The following GRIA1 variants were observed in gnomAD, a reference collection of about 807,000 sequenced individuals.
The protein encoded by GRIA1 is glutamate ionotropic receptor AMPA type subunit 1.
GRIA1 carries 31 observed loss-of-function variants against 99.2 expected under a neutral mutation model. The observed-to-expected ratio is 0.31, with a 90% CI of 0.23 to 0.42. The LOEUF (loss-of-function observed/expected upper bound fraction) is 0.42. Ranked by LOEUF, GRIA1 falls within the 10% of genes least tolerant of loss-of-function variation. The pLI is 1.00. For missense variants in GRIA1, 782 were observed against 1,157.5 expected (o/e 0.68, Z 4.71); for synonymous variants, 438 against 432.4 (o/e 1.01, Z -0.16).
Position 153,812,534 on chromosome 5 carries a change from G to A in GRIA1, c.*1309G>A, listed in dbSNP as rs1388868681. The A allele has an allele frequency of 1.3e-5, 2 of 152,192 alleles. No homozygotes were observed. Among genetic ancestry groups the A allele is most frequent in the Non-Finnish European group, 2.9e-5 (2 of 68,026 alleles). 9.4% of individuals were successfully genotyped at this position (152,192 alleles called of 1,614,324 possible). A position where few individuals can be genotyped will look rare whatever the true frequency, so the allele number is the denominator to read the frequency against. On this transcript the variant is annotated 3_prime_UTR_variant, in exon 16 of 16. Transcript: ENST00000285900. ...AAGGAAATAATTGAAGGAGTATAGG[G>A]AGATGGATTAAGTTGATAATGACAT...
chr5:153,604,093 GAAAC>G (rs1187332036), intron 2 of GRIA1, among the ~76,000 whole-genome samples: 6 of 151,626 alleles, frequency 4.0e-5, no homozygotes, highest in African/African-American at 1.5e-4. Flanking sequence ...AGCAATAACA[GAAAC>G]AAGTTCTAAA....
At chr5:153,565,429 C>G (rs114991629) in intron 2 of GRIA1, among the ~76,000 whole-genome samples, 3,764 of 152,180 alleles carry the variant, frequency 0.025, 96 homozygotes, top group African/African-American at 0.059. Flanking sequence ...GCTGTTTTTT[C>G]TTTTAATGGC....
chr5:153,690,791 T>C (rs1757688871), intron 8 of GRIA1, among the ~76,000 whole-genome samples: 1 of 152,192 alleles, frequency 6.6e-6, no homozygotes, highest in Non-Finnish European at 1.5e-5. Flanking sequence ...CCAAATCCTT[T>C]CTTAGAATGT....
intron 2 of GRIA1, among the ~76,000 whole-genome samples, chr5:153,612,030 A>C (rs1766033640): frequency 6.6e-6 from 1 of 152,208 alleles, no homozygotes; most frequent in African/African-American, 2.4e-5. Flanking sequence ...TCACCTGCAA[A>C]CTAGGGAGAA....
intron 13 of GRIA1, among the ~76,000 whole-genome samples, chr5:153,771,637 C>A (rs1221078910): frequency 6.6e-6 from 1 of 152,126 alleles, no homozygotes; most frequent in East Asian, 1.9e-4. Context: ...CTACTTCCTG[C>A]AATGTAGCAG....
chr5:153,574,954 G>A (rs1045141398), intron 2 of GRIA1, among the ~76,000 whole-genome samples: 2 of 152,116 alleles, frequency 1.3e-5, no homozygotes, highest in Non-Finnish European at 2.9e-5. Context: ...GTGATTAAGA[G>A]GGAGAGACAC....
At position 153,698,988 on chromosome 5, in the gene GRIA1, T is replaced by C; in HGVS notation, c.1367T>C (p.Leu456Pro). Residue 456 changes from leucine (L) to proline (P), a missense_variant, in exon 10 of 16, where the codon CTG (leucine) becomes CCG (proline). Transcript: ENST00000285900. Reference sequence around the variant, plus strand: ...AAGCACGTGGGCTACTCCTACCGTCTGGAGATTGTCAGTGATGGAAAATAC... The same window carrying C: ...AAGCACGTGGGCTACTCCTACCGTCCGGAGATTGTCAGTGATGGAAAATAC... ...IAKHVGYSYR[L>P]EIVSDGKYGA... 2 of 1,613,864 alleles carry C rather than the reference T, an allele frequency of 1.2e-6. No homozygotes were observed. The highest frequency in any genetic ancestry group is 1.7e-6 in the Non-Finnish European group (2 of 1,179,796).
At chr5:153,599,273 A>G (rs757579081) in intron 2 of GRIA1, among the ~76,000 whole-genome samples, 2 of 152,198 alleles carry the variant, frequency 1.3e-5, no homozygotes, top group Non-Finnish European at 2.9e-5. Flanking sequence ...CCTCAACTAG[A>G]TTATTTTGTC....
chr5:153,514,527 C>T (rs1756423099), intron 2 of GRIA1, among the ~76,000 whole-genome samples: 1 of 152,206 alleles, frequency 6.6e-6, no homozygotes, highest in African/African-American at 2.4e-5. Flanking sequence ...TCTCAGCTGT[C>T]TATCCTATTC....
chr5:153,729,909 G>A (rs148600745), intron 11 of GRIA1, among the ~76,000 whole-genome samples: 1 of 152,098 alleles, frequency 6.6e-6, no homozygotes, highest in East Asian at 1.9e-4. Flanking sequence ...GGTGAGTGGT[G>A]GATTCTCAAG....
At chr5:153,643,006 G>A (rs1023776319) in intron 2 of GRIA1, among the ~76,000 whole-genome samples, 1 of 152,096 alleles carries the variant, frequency 6.6e-6, no homozygotes, top group East Asian at 1.9e-4. Flanking sequence ...CACAACTCCT[G>A]CAGAGTAGTG....
intron 2 of GRIA1, among the ~76,000 whole-genome samples, chr5:153,619,989 T>G (rs938525103): frequency 6.6e-6 from 1 of 152,188 alleles, no homozygotes; most frequent in African/African-American, 2.4e-5. Context: ...TTCTTTCCAT[T>G]CCTGACATTC....
intron 2 of GRIA1, among the ~76,000 whole-genome samples, chr5:153,582,616 T>A (rs902603650): frequency 6.6e-6 from 1 of 152,128 alleles, no homozygotes; most frequent in Non-Finnish European, 1.5e-5. Context: ...CCAGAGCATA[T>A]CTTTCTTAAA....
chr5:153,647,016 C>T lies in GRIA1; in HGVS notation c.309C>T (p.Ala103=), dbSNP rs754154639. 6 of 1,613,876 alleles carry T rather than the reference C, an allele frequency of 3.7e-6. No homozygotes were observed. The highest frequency in any genetic ancestry group is 2.2e-5 in the East Asian group (1 of 44,860). Reference sequence around the variant, plus strand: ...ACATGCTGACCTCCTTTTGTGGGGCCCTCCACGTCTGCTTCATTACGCCGA... The same window carrying T: ...ACATGCTGACCTCCTTTTGTGGGGCTCTCCACGTCTGCTTCATTACGCCGA... ...TVNMLTSFCG[A]LHVCFITPSF... The change falls in exon 3 of 16, where the codon GCC becomes GCT. Residue 103 remains alanine, a synonymous_variant. Transcript: ENST00000285900.
At chr5:153,642,546 A>G (rs1046473477) in intron 2 of GRIA1, among the ~76,000 whole-genome samples, 1 of 151,878 alleles carries the variant, frequency 6.6e-6, no homozygotes, top group Non-Finnish European at 1.5e-5. Flanking sequence ...GCGCAACATA[A>G]TGAGATCTCA....
chr5:153,567,164 T>C (rs1302581005), intron 2 of GRIA1, among the ~76,000 whole-genome samples: 4 of 152,242 alleles, frequency 2.6e-5, no homozygotes, highest in African/African-American at 2.4e-5. Flanking sequence ...CTTTCATTCA[T>C]TTATGCCTTG....
intron 2 of GRIA1, among the ~76,000 whole-genome samples, chr5:153,510,787 G>A (rs528862746): frequency 2.8e-4 from 43 of 152,246 alleles, no homozygotes; most frequent in African/African-American, 1.0e-3. Flanking sequence ...AAAGTTACCT[G>A]ACATCAAATG....
intron 2 of GRIA1, among the ~76,000 whole-genome samples, chr5:153,585,380 C>G (rs900433971): frequency 5.0e-5 from 7 of 138,716 alleles, no homozygotes; most frequent in Non-Finnish European, 1.1e-4. Flanking sequence ...GCGATCTCAG[C>G]TCACTGCAAC....
intron 13 of GRIA1, among the ~76,000 whole-genome samples, chr5:153,792,731 C>G (rs1219370403): frequency 6.6e-6 from 1 of 152,148 alleles, no homozygotes; most frequent in African/African-American, 2.4e-5. Context: ...CTCTCTCTCT[C>G]TCCTTTCTTT....
Sources: gnomAD v4.1 joint callset for allele counts (sites outside exome capture counted in the v4.1 genomes callset) on GRCh38, gnomAD v4.1.1 for gene constraint, MANE v1.5 for transcripts, NCBI Gene and HGNC (gene_info 2026-07-23, HGNC 2026-07-21) for gene names.